Variants in DPP10 observed in about 807,000 individuals in gnomAD.
The protein encoded by DPP10 is dipeptidyl peptidase like 10, also known as inactive dipeptidyl peptidase 10.
A neutral mutation model predicts 120.9 loss-of-function variants in DPP10; 33 were observed. The ratio of observed to expected loss-of-function variants is 0.27; its 90% confidence interval spans 0.21 to 0.37. The LOEUF is 0.37. Ranked by LOEUF, DPP10 falls within the 10% of genes least tolerant of loss-of-function variation. DPP10 has a pLI of 1.00. For synonymous variants in DPP10, 337 were observed against 326.1 expected (o/e 1.03, Z -0.36); for missense variants, 816 against 942.8 (o/e 0.87, Z 1.76).
intron 7 of DPP10, among the ~76,000 whole-genome samples, chr2:115,719,643 T>G (rs2092594179): frequency 6.6e-6 from 1 of 152,202 alleles, no homozygotes; most frequent in African/African-American, 2.4e-5. Context: ...GGAAACAGAA[T>G]TTTATAAAAA....
chr2:115,040,416 T>C (rs542326205), intron 1 of DPP10, among the ~76,000 whole-genome samples: 92 of 152,254 alleles, frequency 6.0e-4, no homozygotes, highest in Non-Finnish European at 1.1e-3. Context: ...TTGAATTAAG[T>C]GAACTAAATT....
chr2:114,971,539 C>T (rs1233212013), intron 1 of DPP10, among the ~76,000 whole-genome samples: 2 of 152,094 alleles, frequency 1.3e-5, no homozygotes, highest in Non-Finnish European at 2.9e-5. Flanking sequence ...TTGTTTCACA[C>T]AGAGATGTAA....
At chr2:114,849,006 A>T (rs996637716) in intron 1 of DPP10, among the ~76,000 whole-genome samples, 1 of 152,138 alleles carries the variant, frequency 6.6e-6, no homozygotes, top group African/African-American at 2.4e-5. Context: ...GGCCTCTTTT[A>T]TAAGGGCACT....
intron 3 of DPP10, among the ~76,000 whole-genome samples, chr2:115,358,560 T>C (rs1282651928): frequency 1.3e-5 from 2 of 152,192 alleles, no homozygotes; most frequent in Non-Finnish European, 2.9e-5. Context: ...TATCTTCTTC[T>C]GAGCCCTCCA....
At chr2:114,693,832 C>A (rs1699912725) in intron 1 of DPP10, among the ~76,000 whole-genome samples, 1 of 151,876 alleles carries the variant, frequency 6.6e-6, no homozygotes, top group Admixed American at 6.6e-5. Context: ...GAAAGATAGT[C>A]TTCAAGCTCT....
In DPP10 at chr2:115,216,126, G is replaced by A. The variant is rs143122837; in HGVS notation, c.61-93113G>A. Among the ~76,000 whole-genome samples the A allele has an allele frequency of 7.9e-5, 12 of 152,248 alleles. 2 individuals are homozygous for A. The highest frequency in any genetic ancestry group is 2.9e-4 in the African/African-American group (12 of 41,558). On this transcript the variant is annotated intron_variant, in intron 1 of 25. Coordinates refer to ENST00000410059, the MANE Select transcript of DPP10 (RefSeq NM_020868.6). The stretch of plus-strand genomic sequence containing the variant: ...TGTGTACACATGGACAGAAAGAGTA[G>A]AGTAACAGACACTGGAGACTCAGAA...
chr2:114,797,001 A>G (rs995020017), intron 1 of DPP10, among the ~76,000 whole-genome samples: 9 of 152,214 alleles, frequency 5.9e-5, no homozygotes, highest in African/African-American at 1.9e-4. Flanking sequence ...GAAGAGCTAC[A>G]TAGCTCAACA....
chr2:114,910,038 A>G (rs1031823179), intron 1 of DPP10, among the ~76,000 whole-genome samples: 2 of 151,728 alleles, frequency 1.3e-5, no homozygotes, highest in East Asian at 1.9e-4. Context: ...ATATATATAT[A>G]TTTATATATA....
chr2:115,841,452 T>C (rs1690137949), intron 25 of DPP10, among the ~76,000 whole-genome samples: 1 of 152,080 alleles, frequency 6.6e-6, no homozygotes, highest in Non-Finnish European at 1.5e-5. Flanking sequence ...ATAAGAGTCA[T>C]AGAAGGAAAA....
intron 2 of DPP10, among the ~76,000 whole-genome samples, chr2:115,319,075 T>C (rs182273063): frequency 6.6e-6 from 1 of 152,250 alleles, no homozygotes; most frequent in Admixed American, 6.5e-5. Context: ...TTGAGGGAGA[T>C]TCTTTTTATT....
chr2:115,464,168 C>A (rs1242175625), intron 3 of DPP10, among the ~76,000 whole-genome samples: 3 of 152,176 alleles, frequency 2.0e-5, no homozygotes, highest in Admixed American at 6.5e-5. Flanking sequence ...TACCATGTGT[C>A]TGTTTCCATT....
chr2:115,409,441 G>A (rs562304507), intron 3 of DPP10, among the ~76,000 whole-genome samples: 2 of 152,284 alleles, frequency 1.3e-5, no homozygotes, highest in East Asian at 3.9e-4. Context: ...TTAGGGAAAT[G>A]CAAAGCAAAA....
rs533134270 is a variant in DPP10 at position 115,493,817 on chromosome 2, A to T, written c.272-5693A>T. Among the ~76,000 whole-genome samples, 6 of 152,292 alleles carry T rather than the reference A, an allele frequency of 3.9e-5. No homozygotes were observed. In the South Asian group the frequency reaches 1.2e-3, roughly 32 times the overall value. ...AAGGACTGCAGCTGTACTGCAGAAGATACAGAGAATAGCTTGTATGGCTGT... is the reference window on the plus strand; with the variant it reads ...AAGGACTGCAGCTGTACTGCAGAAGTTACAGAGAATAGCTTGTATGGCTGT... On this transcript the variant is annotated intron_variant, in intron 3 of 25. Coordinates refer to ENST00000410059, the MANE Select transcript of DPP10 (RefSeq NM_020868.6).
intron 1 of DPP10, among the ~76,000 whole-genome samples, chr2:115,182,716 A>AT (rs2054160758): frequency 6.6e-6 from 1 of 152,190 alleles, no homozygotes. Flanking sequence ...AGTGAAGGTG[A>AT]TTTAACTCAG....
intron 22 of DPP10, 48 bp from the exon 23 acceptor site, chr2:115,836,459 C>A: frequency 1.3e-6 from 2 of 1,580,068 alleles, no homozygotes; most frequent in South Asian, 2.3e-5. Flanking sequence ...ATATGCCAGT[C>A]AAATAGTTTT....
chr2:115,021,557 G>T (rs1703075305), intron 1 of DPP10, among the ~76,000 whole-genome samples: 1 of 152,036 alleles, frequency 6.6e-6, no homozygotes, highest in Admixed American at 6.5e-5. Context: ...TGACCAGATG[G>T]ATTCACAGCT....
At chr2:115,841,839 TA>T (rs1051159715) in intron 25 of DPP10, among the ~76,000 whole-genome samples, 5 of 152,252 alleles carry the variant, frequency 3.3e-5, no homozygotes, top group African/African-American at 1.2e-4. Flanking sequence ...CAATGCTCTT[TA>T]AATAAAGAGC....
intron 1 of DPP10, among the ~76,000 whole-genome samples, chr2:114,657,450 T>G (rs1368703678): frequency 6.6e-6 from 1 of 152,192 alleles, no homozygotes; most frequent in African/African-American, 2.4e-5. Flanking sequence ...ATTTCAATTT[T>G]TCATTCTTGT....
chr2:114,779,067 T>G (rs1031356445), intron 1 of DPP10, among the ~76,000 whole-genome samples: 1 of 152,084 alleles, frequency 6.6e-6, no homozygotes, highest in African/African-American at 2.4e-5. Flanking sequence ...TTTGGTCCAG[T>G]GGAGTTGGTA....
Sources: gnomAD v4.1 joint callset for allele counts (sites outside exome capture counted in the v4.1 genomes callset) on GRCh38, gnomAD v4.1.1 for gene constraint, MANE v1.5 for transcripts, NCBI Gene and HGNC (gene_info 2026-07-23, HGNC 2026-07-21) for gene names.